Variants in NRXN3 observed in about 807,000 individuals in gnomAD.
NRXN3 encodes neurexin III.
A neutral mutation model predicts 137.6 loss-of-function variants in NRXN3; 32 were observed. That is an observed-to-expected ratio of 0.23 (90% CI 0.18 to 0.31). The LOEUF (loss-of-function observed/expected upper bound fraction) is 0.31. Ranked by LOEUF, NRXN3 falls within the 10% of genes least tolerant of loss-of-function variation. The pLI, the probability that NRXN3 is intolerant of heterozygous loss-of-function variation, is 1.00. For missense variants in NRXN3, 1,574 were observed against 2,062.5 expected (o/e 0.76, Z 4.59); for synonymous variants, 798 against 784.5 (o/e 1.02, Z -0.29).
intron 15 of NRXN3, among the ~76,000 whole-genome samples, chr14:79,216,606 G>C (rs1011864582): frequency 6.6e-6 from 1 of 152,094 alleles, no homozygotes; most frequent in African/African-American, 2.4e-5. Context: ...AGTGTATTAG[G>C]CACTTTATCT....
chr14:78,566,548 A>G (rs2096837979), intron 4 of NRXN3, among the ~76,000 whole-genome samples: 2 of 152,156 alleles, frequency 1.3e-5, no homozygotes, highest in South Asian at 2.1e-4. Context: ...GGCCAACCAG[A>G]AAGCGTTAGG....
At chr14:78,664,292 T>G (rs890268342) in intron 6 of NRXN3, among the ~76,000 whole-genome samples, 1 of 152,220 alleles carries the variant, frequency 6.6e-6, no homozygotes. Flanking sequence ...AGATTCTCAT[T>G]GCTACCTTCT....
intron 19 of NRXN3, among the ~76,000 whole-genome samples, chr14:79,747,919 G>T (rs147033617): frequency 1.3e-5 from 2 of 152,038 alleles, no homozygotes; most frequent in East Asian, 3.9e-4. Context: ...TGCTAACATC[G>T]ACTTTATAGG....
chr14:79,190,780 C>G (rs554050760), intron 15 of NRXN3, among the ~76,000 whole-genome samples: 49 of 152,130 alleles, frequency 3.2e-4, no homozygotes, highest in South Asian at 1.7e-3. Flanking sequence ...TATTCTGAAC[C>G]CTTTCTTCTC....
At chr14:78,333,602 A>G (rs561726111) in intron 4 of NRXN3, among the ~76,000 whole-genome samples, 1 of 152,294 alleles carries the variant, frequency 6.6e-6, no homozygotes, top group African/African-American at 2.4e-5. Flanking sequence ...AGAGATGGAA[A>G]ACAATTTCCT....
chr14:79,471,341 C>T (rs956393695), intron 16 of NRXN3, among the ~76,000 whole-genome samples: 2 of 152,162 alleles, frequency 1.3e-5, no homozygotes, highest in South Asian at 2.1e-4. Flanking sequence ...GGAGATCTAG[C>T]TTCCATTAGT....
chr14:78,423,496 C>T (rs17107538), intron 4 of NRXN3, among the ~76,000 whole-genome samples: 15,274 of 152,148 alleles, frequency 0.1, 1,029 homozygotes, highest in African/African-American at 0.17. Flanking sequence ...GGAATGACGG[C>T]GCCTCATCAA....
chr14:78,977,636 A>G (rs2099472580), intron 14 of NRXN3, among the ~76,000 whole-genome samples: 1 of 152,178 alleles, frequency 6.6e-6, no homozygotes, highest in African/African-American at 2.4e-5. Context: ...TCTCACTCTT[A>G]CAAATACCCT....
chr14:79,234,470 A>G (rs1289488208), intron 15 of NRXN3, among the ~76,000 whole-genome samples: 3 of 148,676 alleles, frequency 2.0e-5, no homozygotes, highest in Non-Finnish European at 4.5e-5. Context: ...TGCAACCTCC[A>G]CCTCCTGAGG....
chr14:79,512,268 C>G (rs975079303), intron 16 of NRXN3, among the ~76,000 whole-genome samples: 1 of 152,022 alleles, frequency 6.6e-6, no homozygotes, highest in African/African-American at 2.4e-5. Context: ...AGTGTGGAGT[C>G]TAGAATTTGA....
At chr14:78,574,322 C>T (rs1425777867) in intron 4 of NRXN3, among the ~76,000 whole-genome samples, 2 of 152,210 alleles carry the variant, frequency 1.3e-5, no homozygotes, top group African/African-American at 4.8e-5. Flanking sequence ...GAGTAGAGGA[C>T]TAGCATCCTC....
At chr14:79,745,370 C>T (rs2098976535) in intron 19 of NRXN3, among the ~76,000 whole-genome samples, 2 of 152,078 alleles carry the variant, frequency 1.3e-5, no homozygotes, top group African/African-American at 4.8e-5. Context: ...TGTGAAGAAA[C>T]CATTTCCAGC....
At chr14:78,830,620 A>G (rs1385363893) in intron 10 of NRXN3, among the ~76,000 whole-genome samples, 1 of 151,948 alleles carries the variant, frequency 6.6e-6, no homozygotes, top group Non-Finnish European at 1.5e-5. Flanking sequence ...CCTATTTGTA[A>G]CTGATATAAT....
intron 4 of NRXN3, among the ~76,000 whole-genome samples, chr14:78,388,914 T>C (rs2090369221): frequency 6.6e-6 from 1 of 152,126 alleles, no homozygotes; most frequent in Non-Finnish European, 1.5e-5. Context: ...ATTTTTTATA[T>C]ATATTCAACT....
rs543187129 is a variant in NRXN3, at chr14:79,298,499, T to G, written c.3263-168722T>G. Among the ~76,000 whole-genome samples, 9 of 152,202 alleles carry G rather than the reference T, an allele frequency of 5.9e-5. No homozygotes were observed. The East Asian group carries it at 1.7e-3, about 30-fold the overall frequency. On this transcript the variant is annotated intron_variant, in intron 15 of 20. Coordinates refer to ENST00000335750, the MANE Select transcript of NRXN3 (RefSeq NM_001330195.2). Reference sequence around the variant, plus strand: ...GTTCTGCAGTTGACATTTCTTCAGCTGCTCTTTCAGAGGTCTTAACATTTT... The same window carrying G: ...GTTCTGCAGTTGACATTTCTTCAGCGGCTCTTTCAGAGGTCTTAACATTTT...
At chr14:79,439,065 A>C (rs1044253153) in intron 15 of NRXN3, among the ~76,000 whole-genome samples, 2 of 152,254 alleles carry the variant, frequency 1.3e-5, no homozygotes, top group Non-Finnish European at 2.9e-5. Context: ...TGCAAGATGC[A>C]TTCTGGCTCC....
intron 19 of NRXN3, among the ~76,000 whole-genome samples, chr14:79,757,483 G>GTATC (rs1221075908): frequency 6.6e-6 from 1 of 152,092 alleles, no homozygotes; most frequent in African/African-American, 2.4e-5. Context: ...ATTATATCTG[G>GTATC]TGAAATTATT....
chr14:79,752,749 A>C (rs1156452558), intron 19 of NRXN3, among the ~76,000 whole-genome samples: 3 of 152,120 alleles, frequency 2.0e-5, no homozygotes, highest in Admixed American at 6.5e-5. Context: ...GCTTCTGCAC[A>C]GCAGAAGAAA....
chr14:79,858,144 CTTT>C (rs561232071), intron 20 of NRXN3, among the ~76,000 whole-genome samples: 22 of 141,104 alleles, frequency 1.6e-4, no homozygotes, highest in African/African-American at 4.7e-4. Context: ...TGTGGTTACT[CTTT>C]TTTTTTTTTT....
Sources: gnomAD v4.1 joint callset for allele counts (sites outside exome capture counted in the v4.1 genomes callset) on GRCh38, gnomAD v4.1.1 for gene constraint, MANE v1.5 for transcripts, NCBI Gene and HGNC (gene_info 2026-07-23, HGNC 2026-07-21) for gene names.